The following CADPS2 variants were observed in gnomAD, a reference collection of about 807,000 sequenced individuals.
CADPS2 encodes calcium-dependent secretion activator 2.
In CADPS2, 93 loss-of-function variants were observed where a neutral mutation model predicts 172.5. The observed-to-expected ratio is 0.54, with a 90% CI of 0.46 to 0.64. CADPS2 has a LOEUF of 0.64. CADPS2 is among the 30% of genes least tolerant of loss of function. The pLI is 0.00. For synonymous variants in CADPS2, 546 were observed against 555.2 expected, an observed-to-expected ratio of 0.98 and a Z score of 0.23; for missense variants, 1,420 against 1,565.9, an observed-to-expected ratio of 0.91 and a Z score of 1.57.
At chr7:122,682,067 A>AT (rs1187782702) in intron 2 of CADPS2, among the ~76,000 whole-genome samples, 1 of 152,162 alleles carries the variant, frequency 6.6e-6, no homozygotes, top group Non-Finnish European at 1.5e-5. Context: ...TTCCAACTAA[A>AT]TGCTTAGTTT....
rs144946971 is a variant in CADPS2 at position 122,761,417 on chromosome 7, A to G, written c.340-24349T>C. ...ACAAAGTAATGCCAGATCACAAATT[A>G]ATAAGCCTCACCTATATCCTGAGAG... On this transcript the variant is annotated intron_variant, in intron 1 of 29. Transcript: ENST00000449022. 4.5e-3 allele frequency among the ~76,000 whole-genome samples: 687 copies of G among 152,310 alleles called. 8 individuals carry two copies. The highest frequency in any genetic ancestry group is 0.015 in the African/African-American group (642 of 41,574).
At chr7:122,718,342 GA>G (rs2089940259) in intron 2 of CADPS2, among the ~76,000 whole-genome samples, 1 of 151,942 alleles carries the variant, frequency 6.6e-6, no homozygotes, top group African/African-American at 2.4e-5. Context: ...GAGGATGTGG[GA>G]GGGGCAAAAG....
At chr7:122,790,992 C>T (rs1285334805) in intron 1 of CADPS2, among the ~76,000 whole-genome samples, 1 of 152,150 alleles carries the variant, frequency 6.6e-6, no homozygotes, top group Non-Finnish European at 1.5e-5. Flanking sequence ...ATTTTTATCT[C>T]AGATTTCAAT....
At chr7:122,773,776 CTG>C (rs748743469) in intron 1 of CADPS2, among the ~76,000 whole-genome samples, 3 of 152,050 alleles carry the variant, frequency 2.0e-5, no homozygotes, top group Non-Finnish European at 2.9e-5. Flanking sequence ...TTTTCCATAA[CTG>C]TACTTCAAAT....
At chr7:122,486,751 CT>C (rs2057851340) in intron 11 of CADPS2, among the ~76,000 whole-genome samples, 2 of 152,240 alleles carry the variant, frequency 1.3e-5, no homozygotes, top group African/African-American at 2.4e-5. Flanking sequence ...ACCAGAAAAT[CT>C]TTCGTGAAAG....
intron 1 of CADPS2, among the ~76,000 whole-genome samples, chr7:122,782,515 G>A (rs1792995850): frequency 6.6e-6 from 1 of 152,188 alleles, no homozygotes; most frequent in South Asian, 2.1e-4. Flanking sequence ...GGATGCTAAG[G>A]TGGGAGAATC....
At position 122,847,510 on chromosome 7, in the gene CADPS2, T is replaced by C. The variant is rs572465532; in HGVS notation, c.339+38489A>G. On this transcript the variant is annotated intron_variant, in intron 1 of 29. Transcript: ENST00000449022. Reference sequence around the variant, plus strand: ...AATTATGTGTTCAGCTCTGTGTCTTTGGCCATTTTATTGTATTGTTCTCAT... The same window carrying C: ...AATTATGTGTTCAGCTCTGTGTCTTCGGCCATTTTATTGTATTGTTCTCAT... Among the ~76,000 whole-genome samples the C allele has an allele frequency of 1.3e-5, 2 of 152,372 alleles. 1 individual carries two copies. Among genetic ancestry groups the C allele is most frequent in the East Asian group, 3.9e-4 (2 of 5,188 alleles).
At chr7:122,879,936 C>T (rs1160472556) in intron 1 of CADPS2, among the ~76,000 whole-genome samples, 1 of 152,202 alleles carries the variant, frequency 6.6e-6, no homozygotes, top group Non-Finnish European at 1.5e-5. Context: ...TTGGACATAG[C>T]AGAACTTAAA....
intron 7 of CADPS2, among the ~76,000 whole-genome samples, chr7:122,556,006 T>C (rs2064985652): frequency 6.6e-6 from 1 of 152,040 alleles, no homozygotes; most frequent in Non-Finnish European, 1.5e-5. Context: ...TAAATGTATC[T>C]ACTATTTTGA....
At chr7:122,525,749 G>C (rs914924451) in intron 8 of CADPS2, among the ~76,000 whole-genome samples, 1 of 152,092 alleles carries the variant, frequency 6.6e-6, no homozygotes, top group Non-Finnish European at 1.5e-5. Flanking sequence ...AAATTAACTG[G>C]ACCATACGGT....
rs1001149776 is a variant in CADPS2 at position 122,774,265 on chromosome 7, GAT to G, written c.340-37199_340-37198del. ...AAATATATATATATAGACATAGATA[GAT>G]ATACACACACACACACACACACACA... is the stretch of plus-strand genomic sequence containing the variant. On this transcript the variant is annotated intron_variant, in intron 1 of 29. Transcript: ENST00000449022. Among the ~76,000 whole-genome samples, 258 of 120,322 alleles carry G rather than the reference GAT, an allele frequency of 2.1e-3. 4 individuals carry two copies. The East Asian group carries it at 0.031, about 14-fold the overall frequency. The allele number at this position is 120,322 out of a possible 152,430, so 78.9% of individuals were successfully genotyped here.
At chr7:122,646,609 T>C (rs1032885390) in intron 3 of CADPS2, among the ~76,000 whole-genome samples, 2 of 152,142 alleles carry the variant, frequency 1.3e-5, no homozygotes, top group African/African-American at 4.8e-5. Flanking sequence ...TAATTCACTT[T>C]ATCTAGAACA....
chr7:122,784,183 T>C (rs2139479204), intron 1 of CADPS2, among the ~76,000 whole-genome samples: 1 of 152,338 alleles, frequency 6.6e-6, no homozygotes, highest in Admixed American at 6.5e-5. Flanking sequence ...TAAGCTCAGT[T>C]TTTTAAAATA....
chr7:122,639,594 C>G (rs537045576), intron 3 of CADPS2, among the ~76,000 whole-genome samples: 1 of 152,144 alleles, frequency 6.6e-6, no homozygotes, highest in Non-Finnish European at 1.5e-5. Flanking sequence ...ACCATAAAGA[C>G]ACTCCATAGC....
At chr7:122,680,896 T>C (rs1231809083) in intron 2 of CADPS2, among the ~76,000 whole-genome samples, 1 of 151,740 alleles carries the variant, frequency 6.6e-6, no homozygotes, top group Non-Finnish European at 1.5e-5. Flanking sequence ...CCAACAATGA[T>C]AGACTGGATT....
At chr7:122,453,042 A>G (rs2053331284) in intron 14 of CADPS2, among the ~76,000 whole-genome samples, 2 of 152,150 alleles carry the variant, frequency 1.3e-5, no homozygotes, top group Admixed American at 1.3e-4. Flanking sequence ...TCCAATATAG[A>G]GTACATAATT....
chr7:122,447,015 A>T (rs909680303), intron 15 of CADPS2, among the ~76,000 whole-genome samples: 2 of 142,924 alleles, frequency 1.4e-5, no homozygotes, highest in Admixed American at 7.1e-5. Context: ...TCCATCTTGG[A>T]CATAAGTAGC....
intron 3 of CADPS2, among the ~76,000 whole-genome samples, chr7:122,650,285 T>C (rs577888242): frequency 6.6e-6 from 1 of 152,004 alleles, no homozygotes; most frequent in Admixed American, 6.6e-5. Flanking sequence ...AATATTTTCA[T>C]TAAACAACCA....
chr7:122,636,553 C>T (rs1023449611), intron 3 of CADPS2, among the ~76,000 whole-genome samples: 22 of 148,874 alleles, frequency 1.5e-4, no homozygotes, highest in Admixed American at 1.3e-3. Flanking sequence ...GCAATCTCCG[C>T]GTCCCAGGTT....
Sources: allele counts gnomAD v4.1 joint callset (sites outside exome capture counted in the v4.1 genomes callset), GRCh38; gene constraint gnomAD v4.1.1; transcripts MANE v1.5; gene names NCBI Gene and HGNC (gene_info 2026-07-23, HGNC 2026-07-21).